SLC27A2: variants seen among roughly 807,000 people sequenced by gnomAD.
SLC27A2 encodes long-chain fatty acid transport protein 2.
A neutral mutation model predicts 60.0 loss-of-function variants in SLC27A2; 54 were observed. The observed-to-expected ratio is 0.90, with a 90% CI of 0.72 to 1.13. SLC27A2 has a LOEUF of 1.13. Among genes scored for constraint, SLC27A2 ranks in the 50% most tolerant of loss-of-function variants. SLC27A2 has a pLI of 0.00. For missense variants in SLC27A2, 739 were observed against 777.6 expected (o/e 0.95, Z 0.59); for synonymous variants, 297 against 297.6 (o/e 1.00, Z 0.02).
rs749865980 is a variant in SLC27A2 at position 50,182,660 on chromosome 15, C to T, written c.233C>T (p.Thr78Ile). ...HKPFLLFRDETLTYAQVDRRS... is the reference protein window; with the variant it reads ...HKPFLLFRDEILTYAQVDRRS... Reference sequence around the variant, plus strand: ...CCTTTTCTGCTCTTCCGCGACGAGACTCTCACCTACGCGCAGGTGGACCGG... The same window carrying T: ...CCTTTTCTGCTCTTCCGCGACGAGATTCTCACCTACGCGCAGGTGGACCGG... The change falls in exon 1 of 10, where the codon ACT (threonine) becomes ATT (isoleucine). Residue 78 changes from threonine (T) to isoleucine (I), a missense_variant. Transcript: ENST00000267842. 4.3e-6 allele frequency: 7 copies of T among 1,613,914 alleles called. No homozygotes were observed. The highest frequency in any genetic ancestry group is 1.1e-5 in the South Asian group (1 of 91,094).
chr15:50,186,615 T>A (rs1430887544), intron 1 of SLC27A2, among the ~76,000 whole-genome samples: 1 of 152,170 alleles, frequency 6.6e-6, no homozygotes, highest in Non-Finnish European at 1.5e-5. Flanking sequence ...TTTTTGTTAT[T>A]ATCAGTAGAG....
chr15:50,189,017 AGATAGATAGATG>A (rs2044950767), intron 1 of SLC27A2, among the ~76,000 whole-genome samples: 1 of 150,888 alleles, frequency 6.6e-6, no homozygotes, highest in Admixed American at 6.6e-5. Context: ...ATAGATAGAT[AGATAGATAGATG>A]CATACAAACA....
chr15:50,204,979 A>T (rs1177847315), intron 3 of SLC27A2, among the ~76,000 whole-genome samples: 1 of 149,838 alleles, frequency 6.7e-6, no homozygotes, highest in Non-Finnish European at 1.5e-5. Context: ...CCCTCTTAGG[A>T]CTTCATTTGA....
At chr15:50,201,756 C>T (rs770306418) in intron 2 of SLC27A2, among the ~76,000 whole-genome samples, 46 of 152,022 alleles carry the variant, frequency 3.0e-4, no homozygotes, top group Non-Finnish European at 5.6e-4. Flanking sequence ...GGGGTTTCAC[C>T]ATGTTAGCCA....
At chr15:50,210,145 G>A (rs972161366) in intron 4 of SLC27A2, among the ~76,000 whole-genome samples, 15 of 152,124 alleles carry the variant, frequency 9.9e-5, no homozygotes, top group African/African-American at 3.6e-4. Flanking sequence ...CATGGCGAGC[G>A]GGAGGCAGGA....
intron 1 of SLC27A2, among the ~76,000 whole-genome samples, chr15:50,194,168 AC>A (rs1255858441): frequency 1.3e-5 from 2 of 152,112 alleles, no homozygotes; most frequent in African/African-American, 4.8e-5. Flanking sequence ...AAAAAATTGA[AC>A]CCTATCATAC....
intron 4 of SLC27A2, among the ~76,000 whole-genome samples, chr15:50,206,855 A>G (rs7161822): frequency 0.31 from 47,558 of 152,004 alleles, 7,632 homozygotes; most frequent in East Asian, 0.43. Context: ...TGTTTCCCCA[A>G]AATGTTTGGG....
At chr15:50,234,696 C>G (rs1461875682) in intron 9 of SLC27A2, among the ~76,000 whole-genome samples, 1 of 151,808 alleles carries the variant, frequency 6.6e-6, no homozygotes, top group Non-Finnish European at 1.5e-5. Context: ...CAAATCAAGG[C>G]TGCAGTGAGG....
At chr15:50,213,481 A>T (rs2045172647) in intron 4 of SLC27A2, among the ~76,000 whole-genome samples, 1 of 152,242 alleles carries the variant, frequency 6.6e-6, no homozygotes, top group Non-Finnish European at 1.5e-5. Flanking sequence ...AGAACATTTC[A>T]TCCAACAGCA....
At chr15:50,231,211 C>T (rs2045314512) in intron 8 of SLC27A2, among the ~76,000 whole-genome samples, 1 of 146,610 alleles carries the variant, frequency 6.8e-6, no homozygotes, top group African/African-American at 2.5e-5. Context: ...ATGGCGCGAT[C>T]TCGGCTCACT....
intron 1 of SLC27A2, among the ~76,000 whole-genome samples, chr15:50,183,440 A>G (rs2044888321): frequency 6.6e-6 from 1 of 152,074 alleles, no homozygotes; most frequent in African/African-American, 2.4e-5. Flanking sequence ...CCAGCTCTCA[A>G]CTGCTGTTAG....
intron 6 of SLC27A2, among the ~76,000 whole-genome samples, chr15:50,226,370 T>C (rs1285255402): frequency 6.6e-6 from 1 of 152,222 alleles, no homozygotes; most frequent in East Asian, 1.9e-4. Context: ...GGCCTTTACC[T>C]TTAAGCTTTA....
At position 50,198,871 on chromosome 15, in the gene SLC27A2, G is replaced by C. The variant is rs190532729; in HGVS notation, c.688+1162G>C. On this transcript the variant is annotated intron_variant, in intron 2 of 9. Transcript: ENST00000267842. ...TGACAGGAACTGTCTCCTTCACCTCGACAGGCCCTCAGCACCCACCTGAGC... is the reference window on the plus strand; with the variant it reads ...TGACAGGAACTGTCTCCTTCACCTCCACAGGCCCTCAGCACCCACCTGAGC... Among the ~76,000 whole-genome samples the C allele has an allele frequency of 6.2e-3, 944 of 151,978 alleles. 12 individuals carry two copies. Among genetic ancestry groups the C allele is most frequent in the African/African-American group, 0.022 (904 of 41,428 alleles).
intron 4 of SLC27A2, among the ~76,000 whole-genome samples, chr15:50,216,838 A>AT (rs2045201290): frequency 6.9e-6 from 1 of 143,914 alleles, no homozygotes; most frequent in African/African-American, 2.5e-5. Context: ...ATAAAATATA[A>AT]ATATATAGTA....
At chr15:50,184,727 C>T (rs1171569442) in intron 1 of SLC27A2, among the ~76,000 whole-genome samples, 1 of 151,870 alleles carries the variant, frequency 6.6e-6, no homozygotes, top group Non-Finnish European at 1.5e-5. Context: ...ATCCCAACTA[C>T]CTGGGAGGCT....
chr15:50,208,385 G>A (rs1595686532), intron 4 of SLC27A2, among the ~76,000 whole-genome samples: 1 of 152,204 alleles, frequency 6.6e-6, no homozygotes, highest in African/African-American at 2.4e-5. Flanking sequence ...CCTGCATTCT[G>A]ACTCTGGCAT....
chr15:50,229,071 C>A (rs79912836), intron 8 of SLC27A2, 29 bp downstream of exon 8: 24 of 844,900 alleles, frequency 2.8e-5, no homozygotes, highest in Non-Finnish European at 3.9e-5. Flanking sequence ...CTGTACCTAA[C>A]CCATAGAGTA....
chr15:50,187,552 A>C (rs563828820), intron 1 of SLC27A2, among the ~76,000 whole-genome samples: 1 of 152,174 alleles, frequency 6.6e-6, no homozygotes, highest in Non-Finnish European at 1.5e-5. Context: ...GGGTCCCTTC[A>C]TCAGCTCACT....
At chr15:50,232,508 C>CAATT (rs2045322671) in intron 8 of SLC27A2, among the ~76,000 whole-genome samples, 1 of 152,142 alleles carries the variant, frequency 6.6e-6, no homozygotes, top group South Asian at 2.1e-4. Context: ...TTGACCTTTA[C>CAATT]AATTAGCCCA....
Sources: allele counts gnomAD v4.1 joint callset (sites outside exome capture counted in the v4.1 genomes callset), GRCh38; gene constraint gnomAD v4.1.1; transcripts MANE v1.5; gene names NCBI Gene and HGNC (gene_info 2026-07-23, HGNC 2026-07-21).